The following CCDC134 variants were observed in gnomAD, a reference collection of about 807,000 sequenced individuals.
CCDC134 encodes the protein coiled-coil domain-containing protein 134.
Under a neutral mutation model 25.6 loss-of-function variants are expected in CCDC134, and 27 were observed. The ratio of observed to expected loss-of-function variants is 1.05; its 90% CI spans 0.78 to 1.45. CCDC134 has a LOEUF of 1.45. Ranked by LOEUF, CCDC134 falls within the 40% of genes most tolerant of loss-of-function variation. The pLI is 0.00. For synonymous variants in CCDC134, 110 were observed against 115.0 expected, an observed-to-expected ratio of 0.96 and a Z score of 0.28; for missense variants, 261 against 286.7, an observed-to-expected ratio of 0.91 and a Z score of 0.65.
chr22:41,826,387 G>A lies in CCDC134; in HGVS notation c.*564G>A, dbSNP rs2076678927. 1 of 152,414 alleles carries A rather than the reference G, an allele frequency of 6.6e-6. No homozygotes were observed. The highest frequency in any genetic ancestry group is 2.4e-5 in the African/African-American group (1 of 41,472). 9.4% of individuals were successfully genotyped at this position (152,414 alleles called of 1,614,324 possible). A position where few individuals can be genotyped will look rare whatever the true frequency, so the allele number is the denominator to read the frequency against. On this transcript the variant is annotated 3_prime_UTR_variant, in exon 7 of 7. Transcript: ENST00000255784. ...GGATGCCTCTGCCCCACCAGGAGGG[G>A]CCCCAGGCCCTGGCAGGGCAGAGAA...
In CCDC134 at chr22:41,813,415, C is replaced by T; in HGVS notation, c.462C>T (p.Asn154=). 2.5e-6 allele frequency: 4 copies of T among 1,614,218 alleles called. No individual in the cohort carries two copies. Among genetic ancestry groups the T allele is most frequent in the Non-Finnish European group, 3.4e-6 (4 of 1,180,032 alleles). Residue 154 remains asparagine (N), a synonymous_variant, in exon 5 of 7, where the codon AAC becomes AAT. Transcript: ENST00000255784. ...TCTGCAACCAGACAGGCGTCTTCAA[C>T]CAGGGGCCCCACTCGCCCATCCTCA... ...ISFCNQTGVF[N]QGPHSPILSL...
chr22:41,819,909 A>G (rs1237047793), intron 6 of CCDC134, among the ~76,000 whole-genome samples: 1 of 145,738 alleles, frequency 6.9e-6, no homozygotes, highest in African/African-American at 2.6e-5. Flanking sequence ...GGTCTTCACA[A>G]GGGCTTTGGC....
chr22:41,802,115 A>G (rs1020608351), intron 1 of CCDC134, among the ~76,000 whole-genome samples: 2 of 152,210 alleles, frequency 1.3e-5, no homozygotes, highest in African/African-American at 4.8e-5. Context: ...TCATTTGTGC[A>G]TAAGAACCCT....
chr22:41,802,970 C>T (rs753622081), intron 1 of CCDC134, among the ~76,000 whole-genome samples: 1 of 151,502 alleles, frequency 6.6e-6, no homozygotes, highest in Non-Finnish European at 1.5e-5. Flanking sequence ...AAAAATTAGC[C>T]GGGCGTGGTG....
intron 2 of CCDC134, among the ~76,000 whole-genome samples, 156 bp from the exon 3 acceptor site, chr22:41,809,723 C>G (rs1340005552): frequency 6.6e-6 from 1 of 152,184 alleles, no homozygotes; most frequent in African/African-American, 2.4e-5. Flanking sequence ...CAGGTCCATG[C>G]ACTTGTCAGT....
rs2076700504 is a variant in CCDC134, at chr22:41,830,505, C to G, written c.*4682C>G. ...ACCAGTGTGAGGGGCCTTGCAAGAG[C>G]CACTGGGCAGCACAGTTGAAGGTGG... On this transcript the variant is annotated 3_prime_UTR_variant, in exon 7 of 7. Coordinates refer to ENST00000255784, the MANE Select transcript of CCDC134 (RefSeq NM_024821.5). 6.6e-6 allele frequency among the ~76,000 whole-genome samples: 1 copy of G among 152,170 alleles called. No homozygotes were observed. The highest frequency in any genetic ancestry group is 2.1e-4 in the South Asian group (1 of 4,828).
At chr22:41,814,897 C>T (rs944300929) in intron 6 of CCDC134, among the ~76,000 whole-genome samples, 7 of 152,130 alleles carry the variant, frequency 4.6e-5, no homozygotes, top group African/African-American at 1.2e-4. Context: ...GCCAGGTGGG[C>T]GCTGTGCATG....
intron 6 of CCDC134, among the ~76,000 whole-genome samples, chr22:41,823,220 A>AT (rs34103607): frequency 0.038 from 4,857 of 127,410 alleles, 205 homozygotes; most frequent in African/African-American, 0.094. Flanking sequence ...CATTACCAGA[A>AT]TTTTTTTTTT....
In CCDC134 at chr22:41,823,391, A is replaced by C. The variant is rs557333943; in HGVS notation, c.565-2307A>C. On this transcript the variant is annotated intron_variant, in intron 6 of 6. Coordinates refer to ENST00000255784, the MANE Select transcript of CCDC134 (RefSeq NM_024821.5). ...AGGCGCCCATCACCACACCTGACTA[A>C]TTTTTGTATTTTTCAGTAGAGACAA... is the stretch of plus-strand genomic sequence containing the variant. Among the ~76,000 whole-genome samples, 16 of 151,830 alleles carry C rather than the reference A, an allele frequency of 1.1e-4. No individual in the cohort carries two copies. In the East Asian group the frequency reaches 2.3e-3, roughly 22 times the overall value.
chr22:41,821,113 C>T (rs1270807943), intron 6 of CCDC134, among the ~76,000 whole-genome samples: 2 of 152,074 alleles, frequency 1.3e-5, no homozygotes, highest in African/African-American at 2.4e-5. Context: ...AGGGAGCGAT[C>T]GGTGTGTCAG....
rs769614920 is a variant in CCDC134, at chr22:41,810,311, G to T, written c.310+20G>T. The T allele has an allele frequency of 6.2e-7, 1 of 1,603,426 alleles. No individual in the cohort carries two copies. Among genetic ancestry groups the T allele is most frequent in the Non-Finnish European group, 8.5e-7 (1 of 1,171,592 alleles). On this transcript the variant is annotated intron_variant, in intron 4 of 6. Coordinates refer to ENST00000255784, the MANE Select transcript of CCDC134 (RefSeq NM_024821.5). Reference sequence around the variant, plus strand: ...AGGATGGTATGGTCTGCCCTGCCCCGCCCTGTCCTCCGCACCACCCGATCT... The same window carrying T: ...AGGATGGTATGGTCTGCCCTGCCCCTCCCTGTCCTCCGCACCACCCGATCT...
At chr22:41,824,589 G>A (rs1408013360) in intron 6 of CCDC134, among the ~76,000 whole-genome samples, 1 of 152,118 alleles carries the variant, frequency 6.6e-6, no homozygotes, top group Non-Finnish European at 1.5e-5. Context: ...GCGCAACCCT[G>A]GCTCTACTAA....
chr22:41,812,422 CAAAAAA>C lies in CCDC134; in HGVS notation c.311-825_311-820del, dbSNP rs36098937. Among the ~76,000 whole-genome samples the C allele has an allele frequency of 2.3e-4, 18 of 77,194 alleles. 1 individual carries two copies. Among genetic ancestry groups the C allele is most frequent in the Middle Eastern group, 6.9e-3 (1 of 144 alleles). 50.6% of individuals were successfully genotyped at this position (77,194 alleles called of 152,430 possible). A position where few individuals can be genotyped will look rare whatever the true frequency, so the allele number is the denominator to read the frequency against. ...GGACAAGAAAGCGAGACTCCGTCTC[CAAAAAA>C]AAAAAAAAAAAAAAAAGGATGGTAA... On this transcript the variant is annotated intron_variant, in intron 4 of 6. Transcript: ENST00000255784.
intron 4 of CCDC134, among the ~76,000 whole-genome samples, chr22:41,812,409 G>A (rs1336840941): frequency 3.0e-5 from 4 of 131,948 alleles, no homozygotes; most frequent in Admixed American, 8.1e-5. Context: ...ACAAGAAAGC[G>A]AGACTCCGTC....
In CCDC134 at chr22:41,828,747, G is replaced by T. The variant is rs1048678297; in HGVS notation, c.*2924G>T. ...GCTGGGATTGTTAGGTCACTATAGC[G>T]CTACCAACTGCATATACCACTGTGG... On this transcript the variant is annotated 3_prime_UTR_variant, in exon 7 of 7. Coordinates refer to ENST00000255784, the MANE Select transcript of CCDC134 (RefSeq NM_024821.5). 6.6e-6 allele frequency among the ~76,000 whole-genome samples: 1 copy of T among 152,160 alleles called. No homozygotes were observed. The highest frequency in any genetic ancestry group is 1.5e-5 in the Non-Finnish European group (1 of 68,030).
chr22:41,826,736 G>A lies in CCDC134; in HGVS notation c.*913G>A, dbSNP rs1046986521. Reference sequence around the variant, plus strand: ...CATGGGTCAGACAGCTTCCCGTCTCGGGAGGCCACAGGGCAGGGAAGCTGC... The same window carrying A: ...CATGGGTCAGACAGCTTCCCGTCTCAGGAGGCCACAGGGCAGGGAAGCTGC... On this transcript the variant is annotated 3_prime_UTR_variant, in exon 7 of 7. Coordinates refer to ENST00000255784, the MANE Select transcript of CCDC134 (RefSeq NM_024821.5). Among the ~76,000 whole-genome samples, 3 of 152,218 alleles carry A rather than the reference G, an allele frequency of 2.0e-5. No homozygotes were observed. The highest frequency in any genetic ancestry group is 4.4e-5 in the Non-Finnish European group (3 of 68,032).
In CCDC134 at chr22:41,825,616, C is replaced by T. The variant is rs973589654; in HGVS notation, c.565-82C>T. On this transcript the variant is annotated intron_variant, in intron 6 of 6. Transcript: ENST00000255784. This position sits in a 1 kb window ranked among gnomAD's most constrained non-coding sequence, Gnocchi z 4.4. Reference sequence around the variant, plus strand: ...CCTGTGTCCAGGGAACCTTCCTATTCCCACACCCCGCTGGTGGCCTAGCTC... The same window carrying T: ...CCTGTGTCCAGGGAACCTTCCTATTTCCACACCCCGCTGGTGGCCTAGCTC... 11 of 1,573,030 alleles carry T rather than the reference C, an allele frequency of 7.0e-6. No individual in the cohort carries two copies. Among genetic ancestry groups the T allele is most frequent in the Non-Finnish European group, 8.7e-6 (10 of 1,155,488 alleles).
Position 41,825,907 on chromosome 22 carries a change from C to T in CCDC134, c.*84C>T. On this transcript the variant is annotated 3_prime_UTR_variant, in exon 7 of 7. Transcript: ENST00000255784. This position sits in a 1 kb window ranked among gnomAD's most constrained non-coding sequence, Gnocchi z 4.4. ...GTGGAGGTGTGGTTGTGGTGGAGAGCACCAGCTAGCCCCTTCCAGAAGGGG... is the reference window on the plus strand; with the variant it reads ...GTGGAGGTGTGGTTGTGGTGGAGAGTACCAGCTAGCCCCTTCCAGAAGGGG... 6.4e-7 allele frequency: 1 copy of T among 1,566,706 alleles called. No individual in the cohort carries two copies. Among genetic ancestry groups the T allele is most frequent in the Non-Finnish European group, 8.7e-7 (1 of 1,151,462 alleles).
At chr22:41,810,746 G>A (rs968626395) in intron 4 of CCDC134, among the ~76,000 whole-genome samples, 4 of 151,842 alleles carry the variant, frequency 2.6e-5, no homozygotes, top group African/African-American at 9.7e-5. Context: ...CGCCCACCTC[G>A]GCCTCCCAAA....
Sources: gnomAD v4.1 joint callset for allele counts (sites outside exome capture counted in the v4.1 genomes callset) on GRCh38, gnomAD v4.1.1 for gene constraint, Gnocchi (gnomAD v3.1) non-coding constraint, MANE v1.5 for transcripts, NCBI Gene and HGNC (gene_info 2026-07-23, HGNC 2026-07-21) for gene names.